The following RAP1GAP variants were observed in gnomAD, a reference collection of about 807,000 sequenced individuals.
RAP1GAP encodes the protein rap1 GTPase-activating protein 1.
A neutral mutation model predicts 87.2 loss-of-function variants in RAP1GAP; 35 were observed. The observed-to-expected ratio is 0.40, with a 90% CI of 0.31 to 0.53. The LOEUF is 0.53. Ranked by LOEUF, RAP1GAP falls within the 20% of genes least tolerant of loss-of-function variation. The pLI, the probability that RAP1GAP is intolerant of heterozygous loss-of-function variation, is 0.48. For synonymous variants in RAP1GAP, 375 were observed against 363.9 expected (o/e 1.03, Z -0.35); for missense variants, 734 against 898.9 (o/e 0.82, Z 2.35).
intron 21 of RAP1GAP, among the ~76,000 whole-genome samples, chr1:21,598,785 GC>G (rs950744366): frequency 9.8e-5 from 15 of 152,352 alleles, no homozygotes; most frequent in African/African-American, 2.9e-4. Flanking sequence ...CATGGGCCCT[GC>G]CCTCAGGAGC....
intron 1 of RAP1GAP, chr1:21,651,753 C>CCGCCCCGCGCCGCGCCA (rs1553492337): frequency 2.1e-6 from 3 of 1,454,324 alleles, no homozygotes; most frequent in African/African-American, 1.5e-5. Context: ...CGCACGCGCC[C>CCGCCCCGCGCCGCGCCA]CGCCCCGCGC....
chr1:21,652,605 G>C lies in RAP1GAP; in HGVS notation c.-148-2809C>G, dbSNP rs572695968. Among the ~76,000 whole-genome samples the C allele has an allele frequency of 3.3e-5, 5 of 152,190 alleles. No individual in the cohort carries two copies. In the East Asian group the frequency reaches 7.7e-4, roughly 24 times the overall value. ...AGACGCCCCCCTCCACTCCCCTCTT[G>C]AAAAGTCATGCAGTCCAGGTCCCAA... is the stretch of plus-strand genomic sequence containing the variant. On this transcript the variant is annotated intron_variant, in intron 1 of 24. Coordinates refer to ENST00000374765, the MANE Select transcript of RAP1GAP (RefSeq NM_002885.4).
intron 3 of RAP1GAP, among the ~76,000 whole-genome samples, chr1:21,625,812 G>A (rs1282541995): frequency 2.6e-5 from 4 of 152,174 alleles, no homozygotes; most frequent in African/African-American, 9.7e-5. Context: ...CCAGCACAAG[G>A]CTTGGCATGA....
intron 1 of RAP1GAP, among the ~76,000 whole-genome samples, chr1:21,659,213 CTT>C (rs2096997382): frequency 6.6e-6 from 1 of 152,098 alleles, no homozygotes; most frequent in Non-Finnish European, 1.5e-5. Flanking sequence ...CCGAAGAACG[CTT>C]TTTAAAACGT....
At chr1:21,632,650 A>G (rs1282242657) in intron 2 of RAP1GAP, among the ~76,000 whole-genome samples, 3 of 152,218 alleles carry the variant, frequency 2.0e-5, no homozygotes, top group Non-Finnish European at 4.4e-5. Context: ...CTGTAATCCC[A>G]GCACTTTGGT....
rs750033759 is a variant in RAP1GAP at position 21,599,585 on chromosome 1, A to G, written c.1685T>C (p.Leu562Pro). Residue 562 changes from leucine (L) to proline (P), a missense_variant, in exon 21 of 25, where the codon CTC (leucine) becomes CCC (proline). By Grantham distance (98) the Leu-to-Pro change is moderately conservative. Coordinates refer to ENST00000374765, the MANE Select transcript of RAP1GAP (RefSeq NM_002885.4). Reference protein sequence around the residue: ...AETAAQRAEALKDFSRSSSSA... With the variant: ...AETAAQRAEAPKDFSRSSSSA... ...GGACGAGGAGCGGGAGAAGTCCTTG[A>G]GCGCCTCTGCTCTCTGCGCTGCGGT... 1.3e-5 allele frequency: 21 copies of G among 1,608,056 alleles called. No individual in the cohort carries two copies. Among genetic ancestry groups the G allele is most frequent in the Non-Finnish European group, 6.8e-6 (8 of 1,179,962 alleles).
chr1:21,642,551 GCA>G (rs1388887596), intron 2 of RAP1GAP, among the ~76,000 whole-genome samples: 14 of 152,272 alleles, frequency 9.2e-5, no homozygotes, highest in African/African-American at 2.9e-4. Context: ...TGCACTAAGA[GCA>G]CAGTCAGGGC....
intron 1 of RAP1GAP, chr1:21,651,359 C>G (rs746812111): frequency 2.0e-6 from 1 of 493,792 alleles, no homozygotes; most frequent in East Asian, 5.9e-5. Context: ...AGCAGAACCT[C>G]CCCCTGACCT....
chr1:21,611,214 C>T (rs1570638760), intron 13 of RAP1GAP, among the ~76,000 whole-genome samples: 1 of 152,246 alleles, frequency 6.6e-6, no homozygotes, highest in African/African-American at 2.4e-5. Context: ...AGGCACTGTT[C>T]TAGTCCCTCT....
chr1:21,633,607 C>T (rs987479310), intron 2 of RAP1GAP, among the ~76,000 whole-genome samples: 3 of 152,004 alleles, frequency 2.0e-5, no homozygotes, highest in Admixed American at 6.6e-5. Context: ...CAGCCACCCA[C>T]TGCACACAGG....
intron 2 of RAP1GAP, among the ~76,000 whole-genome samples, chr1:21,629,966 T>C (rs2093392571): frequency 6.6e-6 from 1 of 152,142 alleles, no homozygotes; most frequent in African/African-American, 2.4e-5. Context: ...AGGAACACGA[T>C]CCAGCACCTC....
intron 1 of RAP1GAP, chr1:21,665,270 C>T (rs777000231): frequency 2.3e-5 from 12 of 517,248 alleles, no homozygotes; most frequent in East Asian, 1.1e-4. Flanking sequence ...CTGCTTCCTC[C>T]GAATGGGGGT....
rs906984797 is a variant in RAP1GAP, at chr1:21,634,960, C to G, written c.-112-8563G>C. Among the ~76,000 whole-genome samples the G allele has an allele frequency of 6.6e-6, 1 of 152,234 alleles. No homozygotes were observed. The highest frequency in any genetic ancestry group is 2.4e-5 in the African/African-American group (1 of 41,470). On this transcript the variant is annotated intron_variant, in intron 2 of 24. Transcript: ENST00000374765. The surrounding 1 kb of genome is among the most constrained non-coding windows in gnomAD (Gnocchi z 4.1). ...CCGGGCAACAACATCATCTGCTTCC[C>G]TAGCCTGGCACTTTCCAGTTTACAA... is the stretch of plus-strand genomic sequence containing the variant.
chr1:21,642,177 G>A (rs2095584445), intron 2 of RAP1GAP, among the ~76,000 whole-genome samples: 3 of 152,238 alleles, frequency 2.0e-5, no homozygotes, highest in Admixed American at 6.5e-5. Context: ...CGGCTGGGGT[G>A]TACAGTCACG....
intron 1 of RAP1GAP, chr1:21,651,968 CGGGGGCCGCCGGCGCAGAAA>C: frequency 1.6e-6 from 1 of 615,198 alleles, no homozygotes; most frequent in Non-Finnish European, 2.0e-6. Flanking sequence ...GTCCAGCTGC[CGGGGGCCGCCGGCGCAGAAA>C]GGGCCGCTTG....
At chr1:21,643,860 T>A (rs943633253) in intron 2 of RAP1GAP, among the ~76,000 whole-genome samples, 1 of 152,086 alleles carries the variant, frequency 6.6e-6, no homozygotes, top group Non-Finnish European at 1.5e-5. Flanking sequence ...TTGAACTGGG[T>A]ATTTGAACTC....
Position 21,599,605 on chromosome 1 carries a change from TGCG to T in RAP1GAP, c.1662_1664del (p.Ala556del). The T allele has an allele frequency of 6.2e-7, 1 of 1,606,198 alleles. No homozygotes were observed. Among genetic ancestry groups the T allele is most frequent in the African/African-American group, 1.3e-5 (1 of 75,022 alleles). Reference sequence around the variant, plus strand: ...CCTTGAGCGCCTCTGCTCTCTGCGCTGCGGTCTCCGCTCTGCCACAGACAGTGC... The same window carrying T: ...CCTTGAGCGCCTCTGCTCTCTGCGCTGTCTCCGCTCTGCCACAGACAGTGC... On this transcript the variant is annotated inframe_deletion, in exon 21 of 25. Coordinates refer to ENST00000374765, the MANE Select transcript of RAP1GAP (RefSeq NM_002885.4).
At chr1:21,647,227 G>A (rs988547256) in intron 2 of RAP1GAP, among the ~76,000 whole-genome samples, 31 of 152,164 alleles carry the variant, frequency 2.0e-4, no homozygotes, top group African/African-American at 6.0e-4. Flanking sequence ...ATGGGAGGCC[G>A]AGATGGGAGG....
intron 20 of RAP1GAP, 39 bp from the exon 21 acceptor site, chr1:21,599,656 G>A (rs752622781): frequency 5.1e-6 from 8 of 1,582,200 alleles, no homozygotes; most frequent in Non-Finnish European, 6.0e-6. Flanking sequence ...TGTCCACCCC[G>A]AGCCCCTCCT....
Sources: gnomAD v4.1 joint callset for allele counts (sites outside exome capture counted in the v4.1 genomes callset) on GRCh38, gnomAD v4.1.1 for gene constraint, Gnocchi (gnomAD v3.1) non-coding constraint, MANE v1.5 for transcripts, NCBI Gene and HGNC (gene_info 2026-07-23, HGNC 2026-07-21) for gene names.